The following GPATCH2 variants were observed in gnomAD, a reference collection of about 807,000 sequenced individuals.
GPATCH2 encodes G-patch domain containing 2.
GPATCH2 carries 51 observed loss-of-function variants against 58.0 expected under a neutral mutation model. The ratio of observed to expected loss-of-function variants is 0.88; its 90% CI spans 0.70 to 1.11. The LOEUF (loss-of-function observed/expected upper bound fraction) is 1.11, where lower values mean the gene tolerates loss of function less well. GPATCH2 is among the 50% of genes most tolerant of loss of function. The pLI, the probability that GPATCH2 is intolerant of heterozygous loss-of-function variation, is 0.00. For synonymous variants in GPATCH2, 222 were observed against 218.5 expected, an observed-to-expected ratio of 1.02 and a Z score of -0.14; for missense variants, 625 against 652.2, an observed-to-expected ratio of 0.96 and a Z score of 0.45.
At chr1:217,434,742 A>T (rs1215869706) in intron 9 of GPATCH2, among the ~76,000 whole-genome samples, 1 of 152,196 alleles carries the variant, frequency 6.6e-6, no homozygotes. Context: ...GTGAACAGCA[A>T]ATGATAATTG....
chr1:217,444,689 T>C (rs1037447913), intron 9 of GPATCH2, among the ~76,000 whole-genome samples: 1 of 152,222 alleles, frequency 6.6e-6, no homozygotes, highest in Non-Finnish European at 1.5e-5. Flanking sequence ...TAGGCTTTAC[T>C]ATTCATTCAG....
intron 5 of GPATCH2, among the ~76,000 whole-genome samples, chr1:217,519,376 A>G (rs1211879843): frequency 6.6e-6 from 1 of 152,238 alleles, no homozygotes; most frequent in Non-Finnish European, 1.5e-5. Context: ...TTAAAGCAAC[A>G]TACAAACATG....
chr1:217,544,982 T>G (rs1390842878), intron 5 of GPATCH2, among the ~76,000 whole-genome samples: 1 of 152,184 alleles, frequency 6.6e-6, no homozygotes, highest in Non-Finnish European at 1.5e-5. Flanking sequence ...GGAACCTCAT[T>G]CAATCCATCA....
At chr1:217,517,836 GT>G (rs1415937436) in intron 5 of GPATCH2, among the ~76,000 whole-genome samples, 9 of 152,012 alleles carry the variant, frequency 5.9e-5, no homozygotes, top group Admixed American at 4.6e-4. Context: ...ACATAGTAAA[GT>G]TTATTAGTAA....
At chr1:217,565,369 T>C (rs1666170962) in intron 5 of GPATCH2, among the ~76,000 whole-genome samples, 1 of 152,180 alleles carries the variant, frequency 6.6e-6, no homozygotes, top group Non-Finnish European at 1.5e-5. Flanking sequence ...AATTCCTAAG[T>C]AGAGAAATTC....
At chr1:217,576,618 T>C (rs780259843) in intron 5 of GPATCH2, among the ~76,000 whole-genome samples, 4 of 152,156 alleles carry the variant, frequency 2.6e-5, no homozygotes, top group Non-Finnish European at 5.9e-5. Context: ...AAAAATTGCT[T>C]ACAATTGCAC....
At chr1:217,443,428 A>G (rs1659240361) in intron 9 of GPATCH2, among the ~76,000 whole-genome samples, 1 of 152,102 alleles carries the variant, frequency 6.6e-6, no homozygotes, top group African/African-American at 2.4e-5. Context: ...TACGTAGGTT[A>G]TATTTTTTCT....
In GPATCH2 at chr1:217,504,985, T is replaced by C. The variant is rs931502103; in HGVS notation, c.1167-6590A>G. 2.6e-5 allele frequency among the ~76,000 whole-genome samples: 4 copies of C among 152,180 alleles called. No individual in the cohort carries two copies. In the East Asian group the frequency reaches 7.7e-4, roughly 29 times the overall value. ...AAAATGCTCTGAAAGAGAATGGGTA[T>C]TTATTTATGTGTATTTACACTGGAG... is the stretch of plus-strand genomic sequence containing the variant. On this transcript the variant is annotated intron_variant, in intron 6 of 9. Coordinates refer to ENST00000366935, the MANE Select transcript of GPATCH2 (RefSeq NM_018040.5).
intron 5 of GPATCH2, among the ~76,000 whole-genome samples, chr1:217,601,404 CAATT>C (rs1668100707): frequency 6.7e-6 from 1 of 150,078 alleles, no homozygotes; most frequent in Non-Finnish European, 1.5e-5. Flanking sequence ...ATTACTGTCT[CAATT>C]AAAAAAATAA....
intron 5 of GPATCH2, among the ~76,000 whole-genome samples, chr1:217,604,526 C>T (rs989559043): frequency 1.3e-5 from 2 of 152,094 alleles, no homozygotes; most frequent in South Asian, 2.1e-4. Flanking sequence ...CTTATGGATA[C>T]AAACATGTAT....
intron 6 of GPATCH2, among the ~76,000 whole-genome samples, chr1:217,502,406 T>G (rs1302663552): frequency 6.6e-6 from 1 of 152,058 alleles, no homozygotes; most frequent in Non-Finnish European, 1.5e-5. Context: ...GCCATTTTAA[T>G]CTCCCATTTT....
At chr1:217,594,634 T>C (rs1010325525) in intron 5 of GPATCH2, among the ~76,000 whole-genome samples, 7 of 152,172 alleles carry the variant, frequency 4.6e-5, no homozygotes, top group African/African-American at 1.7e-4. Context: ...TATATATTCA[T>C]GGTTAGAACA....
At chr1:217,489,725 G>A (rs1355501149) in intron 8 of GPATCH2, among the ~76,000 whole-genome samples, 2 of 152,104 alleles carry the variant, frequency 1.3e-5, no homozygotes, top group Non-Finnish European at 2.9e-5. Flanking sequence ...AGCCGGGTGT[G>A]GCGGCACATG....
chr1:217,427,834 G>A lies in GPATCH2; in HGVS notation c.*3311C>T, dbSNP rs913060964. ...TTAAAATAAACATTAATAAAATGCA[G>A]TATTTTGTAATTATGTCTGTATACT... On this transcript the variant is annotated 3_prime_UTR_variant, in exon 10 of 10. Coordinates refer to ENST00000366935, the MANE Select transcript of GPATCH2 (RefSeq NM_018040.5). 3 of 152,058 alleles carry A rather than the reference G, an allele frequency of 2.0e-5. No homozygotes were observed. The highest frequency in any genetic ancestry group is 6.6e-5 in the Admixed American group (1 of 15,258). The allele number at this position is 152,058 out of a possible 1,614,324, so 9.4% of individuals were successfully genotyped here.
chr1:217,564,521 A>G (rs995791345), intron 5 of GPATCH2, among the ~76,000 whole-genome samples: 2 of 152,196 alleles, frequency 1.3e-5, no homozygotes, highest in African/African-American at 2.4e-5. Context: ...TTGACTCCAC[A>G]CATTACATCA....
chr1:217,582,327 T>C (rs1028924663), intron 5 of GPATCH2, among the ~76,000 whole-genome samples: 1 of 152,122 alleles, frequency 6.6e-6, no homozygotes, highest in Non-Finnish European at 1.5e-5. Flanking sequence ...TAATAACTTA[T>C]AATTCCTAGT....
intron 6 of GPATCH2, among the ~76,000 whole-genome samples, chr1:217,504,059 T>C (rs1377541494): frequency 6.6e-6 from 1 of 152,140 alleles, no homozygotes; most frequent in Non-Finnish European, 1.5e-5. Context: ...CCATTACACA[T>C]GTTGCCACCA....
chr1:217,463,338 G>A (rs28490075), intron 8 of GPATCH2, among the ~76,000 whole-genome samples: 21,181 of 151,876 alleles, frequency 0.14, 2,900 homozygotes, highest in African/African-American at 0.36. Flanking sequence ...AAAATCTACC[G>A]TAGAGATGGT....
intron 6 of GPATCH2, among the ~76,000 whole-genome samples, chr1:217,500,460 T>C (rs1468724996): frequency 6.6e-6 from 1 of 152,088 alleles, no homozygotes; most frequent in Non-Finnish European, 1.5e-5. Flanking sequence ...TCTCAGTTCA[T>C]TTCCACCTTT....
Sources: allele counts gnomAD v4.1 joint callset (sites outside exome capture counted in the v4.1 genomes callset), GRCh38; gene constraint gnomAD v4.1.1; transcripts MANE v1.5; gene names NCBI Gene and HGNC (gene_info 2026-07-23, HGNC 2026-07-21).